The following IFT80 variants were observed in gnomAD, a reference collection of about 807,000 sequenced individuals.
The protein encoded by IFT80 is intraflagellar transport protein 80 homolog.
In IFT80, 79 loss-of-function variants were observed where a neutral mutation model predicts 107.9. The observed-to-expected ratio is 0.73, with a 90% CI of 0.61 to 0.88. IFT80 has a LOEUF of 0.88. Among genes scored for constraint, IFT80 ranks in the 40% least tolerant of loss-of-function variants. IFT80 has a pLI of 0.00. For synonymous variants in IFT80, 299 were observed against 300.9 expected (o/e 0.99, Z 0.07); for missense variants, 797 against 914.2 (o/e 0.87, Z 1.65).
intron 12 of IFT80, among the ~76,000 whole-genome samples, chr3:160,287,021 A>T (rs537861746): frequency 6.6e-6 from 1 of 152,248 alleles, no homozygotes; most frequent in South Asian, 2.1e-4. Context: ...GGAGATGGGA[A>T]GCAGGCTGCA....
intron 12 of IFT80, among the ~76,000 whole-genome samples, chr3:160,287,268 T>C (rs1016020043): frequency 1.3e-5 from 2 of 152,174 alleles, no homozygotes; most frequent in African/African-American, 2.4e-5. Context: ...TAGTGAATTA[T>C]CGAACTTGAA....
chr3:160,394,682 G>A (rs1713643990), intron 1 of IFT80, among the ~76,000 whole-genome samples: 2 of 152,034 alleles, frequency 1.3e-5, no homozygotes, highest in South Asian at 2.1e-4. Flanking sequence ...CCCAGGAGGT[G>A]GAGGTTGCAG....
chr3:160,388,559 C>T (rs1161418108), intron 1 of IFT80, among the ~76,000 whole-genome samples: 1 of 148,758 alleles, frequency 6.7e-6, no homozygotes, highest in African/African-American at 2.4e-5. Context: ...TATAAATATA[C>T]ATATTATATT....
intron 2 of IFT80, 180 bp downstream of exon 2, chr3:160,384,384 T>A: frequency 8.0e-7 from 1 of 1,251,270 alleles, no homozygotes; most frequent in African/African-American, 1.6e-5. Context: ...TAGCAAACGG[T>A]TCACTTTGGA....
intron 12 of IFT80, among the ~76,000 whole-genome samples, chr3:160,290,437 A>AG (rs1715465652): frequency 6.6e-6 from 1 of 151,586 alleles, no homozygotes; most frequent in South Asian, 2.1e-4. Context: ...AAAAAAAAAA[A>AG]GAAAAAAGAA....
At chr3:160,384,014 G>A (rs1246145274) in intron 2 of IFT80, 1 of 820,550 alleles carries the variant, frequency 1.2e-6, no homozygotes, top group African/African-American at 1.9e-5. Context: ...GGAGGCTGGG[G>A]CGGGTGGATC....
chr3:160,327,772 G>A (rs1438768452), intron 8 of IFT80, among the ~76,000 whole-genome samples: 1 of 152,052 alleles, frequency 6.6e-6, no homozygotes, highest in African/African-American at 2.4e-5. Flanking sequence ...CAGGACATAC[G>A]CATAGGTACA....
chr3:160,287,036 G>A (rs1417733632), intron 12 of IFT80, among the ~76,000 whole-genome samples: 4 of 151,996 alleles, frequency 2.6e-5, no homozygotes, highest in South Asian at 2.1e-4. Context: ...GCTGCAGACT[G>A]GTTCATCATG....
rs954734740 is a variant in IFT80 at position 160,360,968 on chromosome 3, C to G, written c.550-3390G>C. Among the ~76,000 whole-genome samples, 7 of 151,092 alleles carry G rather than the reference C, an allele frequency of 4.6e-5. No individual in the cohort carries two copies. The East Asian group carries it at 1.4e-3, about 30-fold the overall frequency. ...ATGGGCAACTAATGGGCAAAATAACCCAACTAATGGGCAAAATAACCAGCT... is the reference window on the plus strand; with the variant it reads ...ATGGGCAACTAATGGGCAAAATAACGCAACTAATGGGCAAAATAACCAGCT... On this transcript the variant is annotated intron_variant, in intron 6 of 19. Coordinates refer to ENST00000326448, the MANE Select transcript of IFT80 (RefSeq NM_020800.3).
At chr3:160,321,226 G>C (rs1170728879) in intron 8 of IFT80, among the ~76,000 whole-genome samples, 1 of 151,888 alleles carries the variant, frequency 6.6e-6, no homozygotes, top group African/African-American at 2.4e-5. Context: ...GAACTTCAAA[G>C]ATACTAATAA....
intron 19 of IFT80, among the ~76,000 whole-genome samples, chr3:160,261,248 T>C (rs770798793): frequency 4.6e-5 from 7 of 151,996 alleles, no homozygotes; most frequent in Non-Finnish European, 8.8e-5. Context: ...AAAACCACCT[T>C]CGGCTGTTTT....
chr3:160,282,373 C>T (rs981617995), intron 14 of IFT80, 105 bp downstream of exon 14: 1 of 827,230 alleles, frequency 1.2e-6, no homozygotes, highest in African/African-American at 1.7e-5. Context: ...AGAAGTATTA[C>T]AAGATCAAAA....
intron 12 of IFT80, among the ~76,000 whole-genome samples, chr3:160,297,418 T>C (rs1716067713): frequency 6.6e-6 from 1 of 151,960 alleles, no homozygotes; most frequent in East Asian, 1.9e-4. Flanking sequence ...TGGCATTGAG[T>C]ACTCAGCAAA....
intron 8 of IFT80, among the ~76,000 whole-genome samples, chr3:160,346,637 A>G (rs1205974345): frequency 6.6e-6 from 1 of 151,276 alleles, no homozygotes; most frequent in Admixed American, 6.6e-5. Flanking sequence ...TTAACTGTCT[A>G]TTTACTGACT....
intron 2 of IFT80, chr3:160,383,734 C>A (rs1712704116): frequency 2.0e-6 from 2 of 985,182 alleles, no homozygotes; most frequent in African/African-American, 1.7e-5. Flanking sequence ...TGTCATATCT[C>A]CTTGACACAT....
chr3:160,355,480 G>A (rs2108359324), intron 8 of IFT80, among the ~76,000 whole-genome samples: 1 of 152,044 alleles, frequency 6.6e-6, no homozygotes. Flanking sequence ...CAAACTCCTG[G>A]GCTCAAGCAA....
intron 9 of IFT80, among the ~76,000 whole-genome samples, chr3:160,315,852 G>T (rs2108292672): frequency 1.3e-5 from 2 of 152,132 alleles, no homozygotes; most frequent in Middle Eastern, 6.8e-3. Context: ...AAGGGGATGG[G>T]TTTGTTTTCA....
At chr3:160,293,668 TA>T (rs1339693037) in intron 12 of IFT80, among the ~76,000 whole-genome samples, 1 of 152,158 alleles carries the variant, frequency 6.6e-6, no homozygotes, top group Non-Finnish European at 1.5e-5. Context: ...GAAGTGCCAT[TA>T]TTATCCTAAT....
intron 11 of IFT80, 61 bp from the exon 12 acceptor site, chr3:160,301,107 T>C: frequency 7.2e-7 from 1 of 1,394,420 alleles, no homozygotes; most frequent in South Asian, 1.3e-5. Flanking sequence ...TTTGTTTTCA[T>C]ATTACAGAAT....
Sources: gnomAD v4.1 joint callset for allele counts (sites outside exome capture counted in the v4.1 genomes callset) on GRCh38, gnomAD v4.1.1 for gene constraint, MANE v1.5 for transcripts, NCBI Gene and HGNC (gene_info 2026-07-23, HGNC 2026-07-21) for gene names.